The following SMC4 variants were observed in gnomAD, a reference collection of about 807,000 sequenced individuals.
SMC4 encodes the protein structural maintenance of chromosomes protein 4.
Under a neutral mutation model 145.6 loss-of-function variants are expected in SMC4, and 87 were observed. That is an observed-to-expected ratio of 0.60 (90% CI 0.50 to 0.71). The LOEUF is 0.71. Among genes scored for constraint, SMC4 ranks in the 30% least tolerant of loss-of-function variants. The pLI is 0.00. For missense variants in SMC4, 1,447 were observed against 1,537.1 expected (o/e 0.94, Z 0.98); for synonymous variants, 558 against 500.7 (o/e 1.11, Z -1.53).
intron 8 of SMC4, 75 bp from the exon 9 acceptor site, chr3:160,414,292 G>A (rs768922281): frequency 1.4e-5 from 17 of 1,191,386 alleles, no homozygotes; most frequent in Non-Finnish European, 1.9e-5. Flanking sequence ...TAGAGGAAGT[G>A]TTCCAGGTAG....
chr3:160,412,261 A>T (rs1716075961), intron 6 of SMC4, 65 bp from the exon 7 acceptor site: 4 of 1,500,840 alleles, frequency 2.7e-6, no homozygotes, highest in Non-Finnish European at 3.6e-6. Context: ...TAATGTTTGC[A>T]TATTTTAAGT....
intron 8 of SMC4, 179 bp downstream of exon 8, chr3:160,413,792 T>G: frequency 1.5e-5 from 6 of 407,962 alleles, no homozygotes; most frequent in East Asian, 5.1e-5. Flanking sequence ...ACAGATGAAA[T>G]TCCCTACTCT....
At chr3:160,406,816 A>C (rs572899807) in intron 5 of SMC4, among the ~76,000 whole-genome samples, 2 of 152,182 alleles carry the variant, frequency 1.3e-5, no homozygotes, top group Non-Finnish European at 2.9e-5. Flanking sequence ...TGGCCATTCA[A>C]TTGAATTCCT....
chr3:160,408,213 G>T (rs1440114379), intron 5 of SMC4, among the ~76,000 whole-genome samples: 1 of 152,146 alleles, frequency 6.6e-6, no homozygotes, highest in Non-Finnish European at 1.5e-5. Context: ...ACAAAACTTT[G>T]TTATAGCTAT....
chr3:160,418,705 T>C (rs1716841698), intron 11 of SMC4, among the ~76,000 whole-genome samples: 2 of 152,148 alleles, frequency 1.3e-5, no homozygotes, highest in Non-Finnish European at 2.9e-5. Flanking sequence ...GGTTTAAACT[T>C]TATGCCAGTA....
chr3:160,414,108 A>G, intron 8 of SMC4: 3 of 460,226 alleles, frequency 6.5e-6, no homozygotes, highest in Non-Finnish European at 1.2e-5. Flanking sequence ...TAAAATTTTT[A>G]TATACCTAGA....
chr3:160,431,505 T>G, intron 20 of SMC4, 138 bp from the exon 21 acceptor site: 7 of 723,884 alleles, frequency 9.7e-6, no homozygotes, highest in Non-Finnish European at 1.6e-5. Context: ...TTTCTTGAAG[T>G]CCTTTGAAAA....
chr3:160,401,093 A>G, intron 2 of SMC4, 128 bp downstream of exon 2: 2 of 1,236,826 alleles, frequency 1.6e-6, no homozygotes, highest in African/African-American at 3.2e-5. Flanking sequence ...TCGGTCCGGT[A>G]GAGGCTCAGG....
intron 19 of SMC4, 78 bp from the exon 20 acceptor site, chr3:160,430,954 T>G: frequency 7.1e-7 from 1 of 1,406,008 alleles, no homozygotes; most frequent in Non-Finnish European, 9.7e-7. Context: ...GAGAGATTGG[T>G]AATTCCTTCA....
intron 15 of SMC4, among the ~76,000 whole-genome samples, chr3:160,424,635 C>T (rs1717570347): frequency 2.6e-5 from 4 of 152,130 alleles, no homozygotes; most frequent in Admixed American, 6.5e-5. Flanking sequence ...AGGGAAACCA[C>T]GTCTCTACTA....
chr3:160,420,882 C>A lies in SMC4; in HGVS notation c.2000C>A (p.Thr667Asn). ...FLKRQNIGVA[T>N]FIGLDKMAVW... ...AAAAGACAAAATATTGGAGTTGCAACCTTTATAGGTTTAGATAAGGTGGGT... is the reference window on the plus strand; with the variant it reads ...AAAAGACAAAATATTGGAGTTGCAAACTTTATAGGTTTAGATAAGGTGGGT... The change falls in exon 13 of 24, where the codon ACC becomes AAC. Residue 667 changes from threonine to asparagine, a missense_variant. Physicochemically the swap from Thr to Asn is moderately conservative, Grantham distance 65. Coordinates refer to ENST00000357388, the MANE Select transcript of SMC4 (RefSeq NM_001002800.3). The A allele has an allele frequency of 6.2e-7, 1 of 1,610,222 alleles. No homozygotes were observed. Among genetic ancestry groups the A allele is most frequent in the Non-Finnish European group, 8.5e-7 (1 of 1,178,758 alleles).
At chr3:160,411,441 T>C (rs1715982531) in intron 5 of SMC4, among the ~76,000 whole-genome samples, 2 of 152,228 alleles carry the variant, frequency 1.3e-5, no homozygotes, top group South Asian at 4.1e-4. Flanking sequence ...AATACTACTT[T>C]GGGACAGGGT....
chr3:160,433,119 C>T lies in SMC4; in HGVS notation c.3624C>T (p.His1208=). The change falls in exon 23 of 24, where the codon CAC becomes CAT. Residue 1208 remains histidine, a synonymous_variant. Coordinates refer to ENST00000357388, the MANE Select transcript of SMC4 (RefSeq NM_001002800.3). ...CATTGGCTTTAGTATTTGCTCTTCA[C>T]CACTACAAGCCCACTCCCCTTTACT... The part of the protein sequence containing the change: ...LSSLALVFAL[H]HYKPTPLYFM... 1 of 1,612,982 alleles carries T rather than the reference C, an allele frequency of 6.2e-7. No individual in the cohort carries two copies. Among genetic ancestry groups the T allele is most frequent in the Non-Finnish European group, 8.5e-7 (1 of 1,179,064 alleles).
chr3:160,414,525 T>C lies in SMC4; in HGVS notation c.1272+8T>C. 1 of 1,608,800 alleles carries C rather than the reference T, an allele frequency of 6.2e-7. No homozygotes were observed. Among genetic ancestry groups the C allele is most frequent in the Non-Finnish European group, 8.5e-7 (1 of 1,177,730 alleles). On this transcript the variant is annotated splice_region_variant and intron_variant, in intron 9 of 23. Coordinates refer to ENST00000357388, the MANE Select transcript of SMC4 (RefSeq NM_001002800.3). ...CAAAAAGATAAAGAAAAGGTAGGTG[T>C]TAGAAAAAAATTCTTAAAATTTCAC...
intron 9 of SMC4, among the ~76,000 whole-genome samples, chr3:160,415,366 AAG>A (rs1462612379): frequency 6.6e-6 from 1 of 152,216 alleles, no homozygotes; most frequent in Admixed American, 6.5e-5. Context: ...CTGTGTCTTA[AAG>A]AGAGATAGGA....
intron 2 of SMC4, 75 bp from the exon 3 acceptor site, chr3:160,401,840 C>A (rs2108443257): frequency 1.7e-6 from 2 of 1,161,350 alleles, no homozygotes; most frequent in South Asian, 1.5e-5. Context: ...GTCATTAGTT[C>A]TCCGAACTAA....
chr3:160,406,956 A>G (rs1480835403), intron 5 of SMC4, among the ~76,000 whole-genome samples: 1 of 152,068 alleles, frequency 6.6e-6, no homozygotes, highest in African/African-American at 2.4e-5. Context: ...ATAATCGTAC[A>G]TTTTCTTTTA....
chr3:160,411,285 C>T (rs758925939), intron 5 of SMC4, among the ~76,000 whole-genome samples: 3 of 152,120 alleles, frequency 2.0e-5, no homozygotes, highest in Non-Finnish European at 4.4e-5. Flanking sequence ...TGTTTGATTT[C>T]TGTTATTACC....
chr3:160,427,020 A>G lies in SMC4; in HGVS notation c.2605+820A>G, dbSNP rs533232610. ...TTGGAGCGATTATCCAACTGCTCCAAAAATGTGGGGATTTTCTTCCAAAAG... is the reference window on the plus strand; with the variant it reads ...TTGGAGCGATTATCCAACTGCTCCAGAAATGTGGGGATTTTCTTCCAAAAG... On this transcript the variant is annotated intron_variant, in intron 17 of 23. Coordinates refer to ENST00000357388, the MANE Select transcript of SMC4 (RefSeq NM_001002800.3). 5.3e-5 allele frequency among the ~76,000 whole-genome samples: 8 copies of G among 152,344 alleles called. No homozygotes were observed. In the South Asian group the frequency reaches 1.7e-3, roughly 32 times the overall value.
Sources: allele counts gnomAD v4.1 joint callset (sites outside exome capture counted in the v4.1 genomes callset), GRCh38; gene constraint gnomAD v4.1.1; transcripts MANE v1.5; gene names NCBI Gene and HGNC (gene_info 2026-07-23, HGNC 2026-07-21).